Variants in ZFPM2 observed in about 807,000 individuals in gnomAD.
The protein encoded by ZFPM2 is zinc finger protein ZFPM2.
In ZFPM2, 20 loss-of-function variants were observed where a neutral mutation model predicts 98.6. The observed-to-expected ratio is 0.20, with a 90% CI of 0.14 to 0.29. ZFPM2 has a LOEUF of 0.29. Ranked by LOEUF, ZFPM2 falls within the 10% of genes least tolerant of loss-of-function variation. The probability of loss-of-function intolerance (pLI) is 1.00; values close to 1 mark genes in which losing one functional copy is unlikely to be tolerated. For synonymous variants in ZFPM2, 518 were observed against 502.7 expected, an observed-to-expected ratio of 1.03 and a Z score of -0.41; for missense variants, 1,310 against 1,388.6, an observed-to-expected ratio of 0.94 and a Z score of 0.90.
At chr8:105,390,505 G>A (rs1811086419) in intron 1 of ZFPM2, among the ~76,000 whole-genome samples, 1 of 152,148 alleles carries the variant, frequency 6.6e-6, no homozygotes, top group Non-Finnish European at 1.5e-5. Context: ...AAGACTCAGT[G>A]TATAGCAGCT....
chr8:105,532,863 GT>G (rs35992494), intron 3 of ZFPM2, among the ~76,000 whole-genome samples: 45,239 of 150,414 alleles, frequency 0.3, 6,911 homozygotes, highest in African/African-American at 0.37. Context: ...GTGGCATTAA[GT>G]TTTTTTTTTG....
chr8:105,733,274 G>T (rs1316085906), intron 5 of ZFPM2, among the ~76,000 whole-genome samples: 1 of 151,848 alleles, frequency 6.6e-6, no homozygotes, highest in African/African-American at 2.4e-5. Context: ...TAAATGAAAT[G>T]TTCTGTTTAG....
At chr8:105,691,167 T>C (rs928191176) in intron 5 of ZFPM2, among the ~76,000 whole-genome samples, 8 of 151,798 alleles carry the variant, frequency 5.3e-5, no homozygotes, top group Admixed American at 6.6e-5. Flanking sequence ...CTCATTCTAC[T>C]GTTCACATAG....
chr8:105,441,628 G>A (rs1444563680), intron 2 of ZFPM2, among the ~76,000 whole-genome samples: 1 of 151,966 alleles, frequency 6.6e-6, no homozygotes, highest in Non-Finnish European at 1.5e-5. Flanking sequence ...GAATGTCCAG[G>A]AGACATTAGG....
intron 3 of ZFPM2, among the ~76,000 whole-genome samples, chr8:105,537,942 G>C (rs1325140034): frequency 6.6e-6 from 1 of 152,004 alleles, no homozygotes; most frequent in Non-Finnish European, 1.5e-5. Flanking sequence ...ATGTTGGCCA[G>C]GATGGTCTCG....
chr8:105,512,988 A>T (rs1297016614), intron 3 of ZFPM2, among the ~76,000 whole-genome samples: 1 of 152,030 alleles, frequency 6.6e-6, no homozygotes, highest in Non-Finnish European at 1.5e-5. Context: ...CGAGTCTTTA[A>T]AGGTATTATT....
intron 3 of ZFPM2, among the ~76,000 whole-genome samples, chr8:105,472,453 G>A (rs2130352525): frequency 6.6e-6 from 1 of 152,272 alleles, no homozygotes; most frequent in South Asian, 2.1e-4. Flanking sequence ...ATTTAAATAT[G>A]AAAAGATCAC....
Position 105,801,669 on chromosome 8 carries a change from G to A in ZFPM2, c.1587G>A (p.Arg529=), listed in dbSNP as rs763280913. 5 of 1,613,612 alleles carry A rather than the reference G, an allele frequency of 3.1e-6. No homozygotes were observed. The South Asian group carries it at 4.4e-5, about 14-fold the overall frequency. The change falls in exon 8 of 8, where the codon AGG becomes AGA. Residue 529 remains arginine (R), a synonymous_variant. Transcript: ENST00000407775. ...CTGAACTGGTGCATCGGCGACTGAG[G>A]CATGGCAGTAGTAGCTACCCTCCCG... is the stretch of plus-strand genomic sequence containing the variant. The part of the protein sequence containing the change: ...KMSELVHRRL[R]HGSSSYPPVI...
At chr8:105,645,930 G>A (rs1410349559) in intron 5 of ZFPM2, among the ~76,000 whole-genome samples, 1 of 151,810 alleles carries the variant, frequency 6.6e-6, no homozygotes, top group East Asian at 1.9e-4. Flanking sequence ...GCACACACCT[G>A]TAGTCCCAGC....
At chr8:105,702,494 C>T (rs1288104330) in intron 5 of ZFPM2, among the ~76,000 whole-genome samples, 1 of 152,218 alleles carries the variant, frequency 6.6e-6, no homozygotes, top group Non-Finnish European at 1.5e-5. Context: ...TCTTCCAAAG[C>T]AGGCTTCAGT....
chr8:105,794,794 C>T (rs1400983683), intron 6 of ZFPM2, among the ~76,000 whole-genome samples: 2 of 152,190 alleles, frequency 1.3e-5, no homozygotes, highest in African/African-American at 4.8e-5. Flanking sequence ...GGCTGGCGCC[C>T]CTCCCCCAGC....
chr8:105,753,481 T>A (rs577118086), intron 5 of ZFPM2, among the ~76,000 whole-genome samples: 3 of 152,184 alleles, frequency 2.0e-5, no homozygotes, highest in African/African-American at 7.2e-5. Flanking sequence ...GGAACTGAGA[T>A]TACTACTAGA....
At chr8:105,539,773 T>C (rs1342111810) in intron 3 of ZFPM2, among the ~76,000 whole-genome samples, 1 of 152,198 alleles carries the variant, frequency 6.6e-6, no homozygotes, top group African/African-American at 2.4e-5. Context: ...AGTCAGATCA[T>C]GGAAGACTTC....
intron 3 of ZFPM2, among the ~76,000 whole-genome samples, chr8:105,512,426 G>A (rs1028206732): frequency 7.2e-5 from 11 of 152,088 alleles, no homozygotes; most frequent in African/African-American, 2.4e-4. Context: ...TTTGTAAAAC[G>A]TTAAGCACCA....
chr8:105,789,022 C>T, intron 6 of ZFPM2, 98 bp downstream of exon 6: 8 of 937,876 alleles, frequency 8.5e-6, no homozygotes, highest in East Asian at 2.7e-5. Context: ...AGACCTTTTT[C>T]CTTCAGTGTT....
chr8:105,559,964 T>C (rs1012393445), intron 3 of ZFPM2, among the ~76,000 whole-genome samples: 2 of 151,970 alleles, frequency 1.3e-5, no homozygotes, highest in Admixed American at 6.6e-5. Context: ...TTCCAGCACT[T>C]TGGGAAGCCG....
At chr8:105,481,267 C>T (rs553985377) in intron 3 of ZFPM2, among the ~76,000 whole-genome samples, 1 of 152,152 alleles carries the variant, frequency 6.6e-6, no homozygotes, top group South Asian at 2.1e-4. Context: ...TCTGCTTGAG[C>T]TTCTATAACA....
rs1814131061 is a variant in ZFPM2 at position 105,804,094 on chromosome 8, C to A, written c.*556C>A. 1 of 153,362 alleles carries A rather than the reference C, an allele frequency of 6.5e-6. No individual in the cohort carries two copies. The highest frequency in any genetic ancestry group is 1.5e-5 in the Non-Finnish European group (1 of 68,584). The allele number at this position is 153,362 out of a possible 1,614,324, so 9.5% of individuals were successfully genotyped here. On this transcript the variant is annotated 3_prime_UTR_variant, in exon 8 of 8. Coordinates refer to ENST00000407775, the MANE Select transcript of ZFPM2 (RefSeq NM_012082.4). The stretch of plus-strand genomic sequence containing the variant: ...TTTAGCAGATACAGTCTCTTAGTCA[C>A]TAGGCTTTGCATTTGTATGTAGCTG...
At chr8:105,470,536 G>A (rs1226883204) in intron 3 of ZFPM2, among the ~76,000 whole-genome samples, 1 of 152,144 alleles carries the variant, frequency 6.6e-6, no homozygotes, top group Non-Finnish European at 1.5e-5. Context: ...TGCACTTTGG[G>A]AGGCTTAGGT....
Sources: gnomAD v4.1 joint callset for allele counts (sites outside exome capture counted in the v4.1 genomes callset) on GRCh38, gnomAD v4.1.1 for gene constraint, MANE v1.5 for transcripts, NCBI Gene and HGNC (gene_info 2026-07-23, HGNC 2026-07-21) for gene names.